The following PMPCB variants were observed in gnomAD, a reference collection of about 807,000 sequenced individuals.
PMPCB encodes the protein mitochondrial-processing peptidase subunit beta.
Under a neutral mutation model 61.5 loss-of-function variants are expected in PMPCB, and 46 were observed. That is an observed-to-expected ratio of 0.75 (90% confidence interval 0.59 to 0.96). The LOEUF (loss-of-function observed/expected upper bound fraction) is 0.96, where lower values mean the gene tolerates loss of function less well. PMPCB is among the 40% of genes least tolerant of loss of function. The probability of loss-of-function intolerance (pLI) is 0.00; values close to 1 mark genes in which losing one functional copy is unlikely to be tolerated. For missense variants in PMPCB, 590 were observed against 602.4 expected (o/e 0.98, Z 0.22); for synonymous variants, 191 against 201.6 (o/e 0.95, Z 0.44).
the PMPCB span, among the ~76,000 whole-genome samples, chr7:103,339,930 C>T: frequency 6.6e-6 from 1 of 152,178 alleles, no homozygotes; most frequent in Non-Finnish European, 1.5e-5. Context: ...CCTCCACCTC[C>T]TGAGTTGAAG....
chr7:103,308,837 TC>T, intron 7 of PMPCB, 114 bp from the exon 8 acceptor site: 1 of 703,982 alleles, frequency 1.4e-6, no homozygotes, highest in Non-Finnish European at 2.2e-6. Context: ...CAAAATAGAG[TC>T]CTGGTGTGCA....
intron 7 of PMPCB, among the ~76,000 whole-genome samples, chr7:103,308,369 C>T (rs6959881): frequency 0.03 from 4,617 of 152,294 alleles, 86 homozygotes; most frequent in Non-Finnish European, 0.047. Context: ...CGCCTGTAAT[C>T]CCAGCACTTG....
intron 12 of PMPCB, among the ~76,000 whole-genome samples, chr7:103,328,662 T>C (rs1818837002): frequency 6.6e-6 from 1 of 152,094 alleles, no homozygotes; most frequent in African/African-American, 2.4e-5. Context: ...ACAATTCAGA[T>C]GTAATCGTAT....
the PMPCB span, chr7:103,344,914 A>G: frequency 5.2e-5 from 29 of 557,390 alleles, no homozygotes; most frequent in Non-Finnish European, 8.9e-5. Context: ...TAGGCGCATC[A>G]GTTTTCCTGT....
chr7:103,310,471 G>C lies in PMPCB; in HGVS notation c.1150G>C (p.Glu384Gln), dbSNP rs1227448311. The change falls in exon 9 of 13, where the codon GAA becomes CAA. Residue 384 changes from glutamate to glutamine, a missense_variant. Coordinates refer to ENST00000249269, the MANE Select transcript of PMPCB (RefSeq NM_004279.3). ...AGACATGCTACATGTTGTTCAAAAA[G>C]AATGGTGAGAAAAATAGCTTTAAGT... is the stretch of plus-strand genomic sequence containing the variant. ...VADMLHVVQK[E>Q]WMRLCTSVTE... 4 of 1,595,768 alleles carry C rather than the reference G, an allele frequency of 2.5e-6. No homozygotes were observed. The highest frequency in any genetic ancestry group is 4.5e-5 in the East Asian group (2 of 44,524).
Position 103,313,227 on chromosome 7 carries a change from T to C in PMPCB, c.*956T>C. 1.4e-6 allele frequency: 2 copies of C among 1,449,222 alleles called. No homozygotes were observed. The highest frequency in any genetic ancestry group is 1.8e-6 in the Non-Finnish European group (2 of 1,106,436). 89.8% of individuals were successfully genotyped at this position (1,449,222 alleles called of 1,614,324 possible). On this transcript the variant is annotated 3_prime_UTR_variant, in exon 13 of 13. Transcript: ENST00000249269. ...ATGTGTCATTTTGAAAATAAACTTG[T>C]AGAGATGAGAGATACATATAGCCCT...
the PMPCB span, chr7:103,341,701 A>G: frequency 2.3e-6 from 3 of 1,327,710 alleles, no homozygotes; most frequent in Non-Finnish European, 2.1e-6. Flanking sequence ...TGGAAAACTC[A>G]TAAGAAAATT....
chr7:103,344,432 A>G, the PMPCB span: 26 of 1,023,510 alleles, frequency 2.5e-5, no homozygotes, highest in Middle Eastern at 2.1e-4. Flanking sequence ...GGCACTCGTC[A>G]CGGCCCCATA....
intron 12 of PMPCB, chr7:103,319,785 T>C (rs374873868): frequency 6.2e-7 from 1 of 1,614,100 alleles, no homozygotes; most frequent in African/African-American, 1.3e-5. Flanking sequence ...CACAAAGTTT[T>C]TCCACTTCTT....
chr7:103,335,999 C>T, the PMPCB span: 1 of 152,216 alleles, frequency 6.6e-6, no homozygotes. Flanking sequence ...GAAATCCCGT[C>T]TCTATGAAAA....
intron 12 of PMPCB, chr7:103,322,760 T>G (rs573938423): frequency 6.2e-7 from 1 of 1,608,184 alleles, no homozygotes; most frequent in South Asian, 1.1e-5. Flanking sequence ...CTTGTTGCTC[T>G]GTTCTGCTTT....
Position 103,311,911 on chromosome 7 carries a change from G to A in PMPCB, c.1329+15G>A, listed in dbSNP as rs1817768318. ...CAAGAATTGATGTAAGTAGTCCTGAGTTACTATTGGGTCATGTGTAAAAAG... is the reference window on the plus strand; with the variant it reads ...CAAGAATTGATGTAAGTAGTCCTGAATTACTATTGGGTCATGTGTAAAAAG... On this transcript the variant is annotated intron_variant, in intron 11 of 12. Coordinates refer to ENST00000249269, the MANE Select transcript of PMPCB (RefSeq NM_004279.3). The A allele has an allele frequency of 1.3e-6, 2 of 1,558,328 alleles. No individual in the cohort carries two copies. Among genetic ancestry groups the A allele is most frequent in the African/African-American group, 2.7e-5 (2 of 73,606 alleles).
At position 103,314,226 on chromosome 7, in the gene PMPCB, G is replaced by A. The variant is rs1817919958; in HGVS notation, c.*1955G>A. The A allele has an allele frequency of 3.0e-6, 3 of 985,174 alleles. No homozygotes were observed. The highest frequency in any genetic ancestry group is 3.6e-6 in the Non-Finnish European group (3 of 829,856). The allele number at this position is 985,174 out of a possible 1,614,324, so 61.0% of individuals were successfully genotyped here. On this transcript the variant is annotated 3_prime_UTR_variant, in exon 13 of 13. Transcript: ENST00000249269. ...TTATTTCCTCTCTTGGAAAAAAGAT[G>A]GAAGTGACATGGCAGTATTTCCTGC...
chr7:103,300,260 A>G lies in PMPCB; in HGVS notation c.410A>G (p.Glu137Gly), dbSNP rs143977339. The change falls in exon 4 of 13, where the codon GAG becomes GGG. Residue 137 changes from glutamate to glycine, a missense_variant. By Grantham distance (98) the Glu-to-Gly change is moderately conservative. Transcript: ENST00000249269. ...CATCTCAATGCCTATACCTCCAGAG[A>G]GCAGACTGTATACTATGCCAAAGCA... ...GAHLNAYTSR[E>G]QTVYYAKAFS... 2 of 1,612,414 alleles carry G rather than the reference A, an allele frequency of 1.2e-6. No individual in the cohort carries two copies. Among genetic ancestry groups the G allele is most frequent in the Non-Finnish European group, 1.7e-6 (2 of 1,178,566 alleles).
At chr7:103,324,404 T>G in intron 12 of PMPCB, 4 of 1,262,032 alleles carry the variant, frequency 3.2e-6, no homozygotes, top group South Asian at 1.6e-5. Flanking sequence ...CTGAATTAAT[T>G]TATAAACAAT....
At chr7:103,342,015 G>A in the PMPCB span, 1 of 1,297,100 alleles carries the variant, frequency 7.7e-7, no homozygotes, top group Non-Finnish European at 1.0e-6. Context: ...ATGTTTCAAG[G>A]CAATTAATTT....
chr7:103,319,575 A>G (rs1472366481), downstream of PMPCB: 1 of 1,598,472 alleles, frequency 6.3e-7, no homozygotes, highest in Non-Finnish European at 8.6e-7. Context: ...ATTAAATGCT[A>G]CATATAGGTA....
At chr7:103,341,779 A>T in the PMPCB span, 1 of 1,583,262 alleles carries the variant, frequency 6.3e-7, no homozygotes, top group African/African-American at 1.4e-5. Context: ...AGTCTTTGGG[A>T]TCAAGTGTTT....
intron 4 of PMPCB, among the ~76,000 whole-genome samples, chr7:103,300,941 C>T (rs1014416635): frequency 2.6e-5 from 4 of 152,190 alleles, no homozygotes; most frequent in Non-Finnish European, 5.9e-5. Flanking sequence ...GCCTCGGCCT[C>T]CCAAAGTGCT....
Sources: allele counts gnomAD v4.1 joint callset (sites outside exome capture counted in the v4.1 genomes callset), GRCh38; gene constraint gnomAD v4.1.1; transcripts MANE v1.5; gene names NCBI Gene and HGNC (gene_info 2026-07-23, HGNC 2026-07-21).